CEMIP2: variants seen among roughly 807,000 people sequenced by gnomAD.
The protein encoded by CEMIP2 is cell surface hyaluronidase CEMIP2.
CEMIP2 carries 79 observed loss-of-function variants against 146.9 expected under a neutral mutation model. That is an observed-to-expected ratio of 0.54 (90% CI 0.45 to 0.65). CEMIP2 has a LOEUF of 0.65. Ranked by LOEUF, CEMIP2 falls within the 30% of genes least tolerant of loss-of-function variation. CEMIP2 has a pLI of 0.00. For synonymous variants in CEMIP2, 601 were observed against 606.3 expected (o/e 0.99, Z 0.13); for missense variants, 1,596 against 1,696.2 (o/e 0.94, Z 1.04).
At position 71,745,393 on chromosome 9, in the gene CEMIP2, T is replaced by G; in HGVS notation, c.659A>C (p.Lys220Thr). ...EGESMPTFGK[K>T]FIGVEAGGTL... ...CCCGCCAGCTTCCACACCAATAAAC[T>G]TTTTGCCAAATGTTGGCATACTTTC... Residue 220 changes from lysine (K) to threonine (T), a missense_variant, in exon 4 of 24, where the codon AAG becomes ACG. Coordinates refer to ENST00000377044, the MANE Select transcript of CEMIP2 (RefSeq NM_013390.3). 6.2e-7 allele frequency: 1 copy of G among 1,614,086 alleles called. No homozygotes were observed. The highest frequency in any genetic ancestry group is 1.3e-5 in the African/African-American group (1 of 75,030).
intron 21 of CEMIP2, among the ~76,000 whole-genome samples, chr9:71,692,172 A>C (rs544383637): frequency 5.4e-4 from 82 of 151,680 alleles, no homozygotes; most frequent in Non-Finnish European, 1.0e-3. Flanking sequence ...CTTAGGGAAG[A>C]GTTTTCAGAT....
chr9:71,697,990 G>A lies in CEMIP2; in HGVS notation c.3592C>T (p.Arg1198Trp), dbSNP rs747179715. The change falls in exon 20 of 24, where the codon CGG becomes TGG. Residue 1198 changes from arginine (R) to tryptophan (W), a missense_variant. Arg to Trp is a moderately radical substitution (Grantham distance 101). Coordinates refer to ENST00000377044, the MANE Select transcript of CEMIP2 (RefSeq NM_013390.3). The part of the protein sequence containing the change: ...LTGLCQGCGT[R>W]QVVFTSDPHK... ...CACTTTTCATCCTTGTTTACCTGCC[G>A]AGTGCCACAGCCTTGACAGAGTCCA... 6.8e-6 allele frequency: 11 copies of A among 1,613,276 alleles called. No homozygotes were observed. Among genetic ancestry groups the A allele is most frequent in the East Asian group, 4.5e-5 (2 of 44,864 alleles).
intron 10 of CEMIP2, among the ~76,000 whole-genome samples, chr9:71,726,626 G>A: frequency 6.6e-6 from 1 of 152,170 alleles, no homozygotes; most frequent in Middle Eastern, 3.2e-3. Flanking sequence ...CTTACTAGCT[G>A]TAACAAATAG....
chr9:71,728,273 A>ATATACG (rs1823480638), intron 10 of CEMIP2, among the ~76,000 whole-genome samples: 1 of 9,612 alleles, frequency 1.0e-4, no homozygotes, highest in African/African-American at 2.0e-4. Flanking sequence ...ATATATATAT[A>ATATACG]TATATATGTA....
Position 71,745,122 on chromosome 9 carries a change from A to T in CEMIP2, c.930T>A (p.Val310=). 1 of 1,614,156 alleles carries T rather than the reference A, an allele frequency of 6.2e-7. No homozygotes were observed. Among genetic ancestry groups the T allele is most frequent in the Non-Finnish European group, 8.5e-7 (1 of 1,180,008 alleles). Residue 310 remains valine, a synonymous_variant, in exon 4 of 24, where the codon GTT becomes GTA. Coordinates refer to ENST00000377044, the MANE Select transcript of CEMIP2 (RefSeq NM_013390.3). The part of the protein sequence containing the change: ...FLRFQDPGRI[V]AIAVGDSAAK... ...CGGCTGAATCCCCGACAGCTATGGC[A>T]ACAATCCGACCTGGATCCTGGAATC...
chr9:71,729,984 A>G, intron 9 of CEMIP2, 64 bp downstream of exon 9: 2 of 1,612,902 alleles, frequency 1.2e-6, no homozygotes, highest in Non-Finnish European at 1.7e-6. Context: ...AACTTCCCCC[A>G]AAACCTCTTC....
intron 5 of CEMIP2, among the ~76,000 whole-genome samples, chr9:71,737,186 G>GAAAGAAAGAAAGA (rs1554686482): frequency 1.5e-5 from 2 of 132,044 alleles, no homozygotes; most frequent in Non-Finnish European, 1.7e-5. Flanking sequence ...AAGAAAGAAA[G>GAAAGAAAGAAAGA]AAAAGTCTGT....
At chr9:71,685,895 G>A in intron 22 of CEMIP2, 49 bp from the exon 23 acceptor site, 2 of 1,326,756 alleles carry the variant, frequency 1.5e-6, no homozygotes, top group East Asian at 2.3e-5. Flanking sequence ...CCTTCAGCAT[G>A]AGTATCTTTC....
Position 71,745,136 on chromosome 9 carries a change from G to A in CEMIP2, c.916C>T (p.Pro306Ser). Residue 306 changes from proline to serine, a missense_variant, in exon 4 of 24, where the codon CCA becomes TCA. Transcript: ENST00000377044. ...RLQEFLRFQD[P>S]GRIVAIAVGD... Reference sequence around the variant, plus strand: ...ACAGCTATGGCAACAATCCGACCTGGATCCTGGAATCTCAGAAACTCCTGA... The same window carrying A: ...ACAGCTATGGCAACAATCCGACCTGAATCCTGGAATCTCAGAAACTCCTGA... 1 of 1,614,066 alleles carries A rather than the reference G, an allele frequency of 6.2e-7. No homozygotes were observed.
intron 1 of CEMIP2, 75 bp from the exon 2 acceptor site, chr9:71,750,460 A>C: frequency 8.8e-7 from 1 of 1,142,272 alleles, no homozygotes; most frequent in Non-Finnish European, 1.2e-6. Flanking sequence ...TTTATTTATG[A>C]GATGGAGTTT....
At chr9:71,764,018 C>A (rs1824714096) in intron 1 of CEMIP2, among the ~76,000 whole-genome samples, 1 of 152,120 alleles carries the variant, frequency 6.6e-6, no homozygotes, top group South Asian at 2.1e-4. Flanking sequence ...ACATGACCTA[C>A]AGCCATAAGT....
chr9:71,740,983 A>G (rs923435927), intron 4 of CEMIP2, among the ~76,000 whole-genome samples: 1 of 152,150 alleles, frequency 6.6e-6, no homozygotes, highest in Non-Finnish European at 1.5e-5. Flanking sequence ...CATTATGTTA[A>G]TGCTGCTGGT....
At chr9:71,753,659 ATATTT>A (rs1824326257) in intron 1 of CEMIP2, among the ~76,000 whole-genome samples, 1 of 152,224 alleles carries the variant, frequency 6.6e-6, no homozygotes, top group Non-Finnish European at 1.5e-5. Context: ...CAAAAAAATC[ATATTT>A]TAAACAGATA....
At chr9:71,707,109 T>A (rs568417113) in intron 17 of CEMIP2, among the ~76,000 whole-genome samples, 2 of 152,338 alleles carry the variant, frequency 1.3e-5, no homozygotes, top group South Asian at 4.1e-4. Flanking sequence ...ATTACAGGCG[T>A]GAGCCACCAT....
At position 71,717,952 on chromosome 9, in the gene CEMIP2, A is replaced by G; in HGVS notation, c.2395T>C (p.Ser799Pro). 6.9e-6 allele frequency: 11 copies of G among 1,605,160 alleles called. No individual in the cohort carries two copies. Among genetic ancestry groups the G allele is most frequent in the Non-Finnish European group, 8.5e-6 (10 of 1,176,600 alleles). Residue 799 changes from serine to proline, a missense_variant, in exon 13 of 24, where the codon TCA becomes CCA. Coordinates refer to ENST00000377044, the MANE Select transcript of CEMIP2 (RefSeq NM_013390.3). ...VRGGDIIVQNSAFADNGIGLT... is the reference protein window; with the variant it reads ...VRGGDIIVQNPAFADNGIGLT... Reference sequence around the variant, plus strand: ...AACTTGGTAGAGAATACCCACGCTGAATTTTGAACGATAATATCTCCTCCT... The same window carrying G: ...AACTTGGTAGAGAATACCCACGCTGGATTTTGAACGATAATATCTCCTCCT...
chr9:71,717,362 G>A (rs943252746), intron 13 of CEMIP2, among the ~76,000 whole-genome samples: 1 of 151,946 alleles, frequency 6.6e-6, no homozygotes, highest in African/African-American at 2.4e-5. Flanking sequence ...CAGAAATGAT[G>A]TGAAATGCCA....
chr9:71,745,717 T>A, intron 3 of CEMIP2, 138 bp from the exon 4 acceptor site: 2 of 866,346 alleles, frequency 2.3e-6, no homozygotes, highest in Non-Finnish European at 1.7e-6. Flanking sequence ...CTTAGAAAAC[T>A]AAAGGGAAAA....
At chr9:71,721,842 T>C (rs149891794) in intron 12 of CEMIP2, among the ~76,000 whole-genome samples, 60 of 152,356 alleles carry the variant, frequency 3.9e-4, no homozygotes, top group African/African-American at 1.3e-3. Context: ...TTTTGGCTCA[T>C]ATATAGCATG....
At chr9:71,693,788 A>C (rs1467731326) in intron 21 of CEMIP2, among the ~76,000 whole-genome samples, 1 of 152,258 alleles carries the variant, frequency 6.6e-6, no homozygotes, top group East Asian at 1.9e-4. Context: ...GACGGTGTAC[A>C]CATCTGCTTT....
Sources: gnomAD v4.1 joint callset for allele counts (sites outside exome capture counted in the v4.1 genomes callset) on GRCh38, gnomAD v4.1.1 for gene constraint, MANE v1.5 for transcripts, NCBI Gene and HGNC (gene_info 2026-07-23, HGNC 2026-07-21) for gene names.